SLC25A21: variants seen among roughly 807,000 people sequenced by gnomAD.
SLC25A21 encodes the protein solute carrier family 25 member 21, also known as mitochondrial 2-oxodicarboxylate carrier.
SLC25A21 carries 47 observed loss-of-function variants against 43.8 expected under a neutral mutation model. That is an observed-to-expected ratio of 1.07 (90% CI 0.85 to 1.37). SLC25A21 has a LOEUF of 1.37. SLC25A21 is among the 40% of genes most tolerant of loss of function. SLC25A21 has a pLI of 0.00. For missense variants in SLC25A21, 352 were observed against 350.2 expected, an observed-to-expected ratio of 1.00 and a Z score of -0.04; for synonymous variants, 131 against 121.3, an observed-to-expected ratio of 1.08 and a Z score of -0.52.
At chr14:37,002,749 G>A (rs573908677) in intron 1 of SLC25A21, among the ~76,000 whole-genome samples, 1 of 152,182 alleles carries the variant, frequency 6.6e-6, no homozygotes, top group African/African-American at 2.4e-5. Flanking sequence ...TTATCTTCCT[G>A]TGATCTACAG....
At chr14:37,140,608 A>T (rs1312103489) in intron 1 of SLC25A21, among the ~76,000 whole-genome samples, 4 of 152,352 alleles carry the variant, frequency 2.6e-5, no homozygotes, top group Admixed American at 2.6e-4. Context: ...AATCATTTTG[A>T]TCATCAACAA....
chr14:36,755,680 A>T (rs1471525064), intron 3 of SLC25A21, among the ~76,000 whole-genome samples: 1 of 152,228 alleles, frequency 6.6e-6, no homozygotes, highest in Non-Finnish European at 1.5e-5. Flanking sequence ...ATATATATCA[A>T]ATATATGAAC....
At chr14:37,103,672 A>G (rs1050716684) in intron 1 of SLC25A21, among the ~76,000 whole-genome samples, 2 of 152,034 alleles carry the variant, frequency 1.3e-5, no homozygotes, top group African/African-American at 2.4e-5. Flanking sequence ...TCAAATCTCA[A>G]ACCTTCTTCC....
chr14:36,977,531 T>A (rs1476760061), intron 1 of SLC25A21, among the ~76,000 whole-genome samples: 2 of 152,162 alleles, frequency 1.3e-5, no homozygotes, highest in East Asian at 3.9e-4. Context: ...TGCCATGGCC[T>A]CCTACCAAAC....
At chr14:36,885,869 CTT>C (rs1256334864) in intron 1 of SLC25A21, among the ~76,000 whole-genome samples, 1 of 152,184 alleles carries the variant, frequency 6.6e-6, no homozygotes, top group African/African-American at 2.4e-5. Context: ...AGGCCCAAAT[CTT>C]TGCATTGTAC....
intron 1 of SLC25A21, among the ~76,000 whole-genome samples, chr14:36,899,030 T>C (rs980861216): frequency 6.6e-6 from 1 of 152,206 alleles, no homozygotes; most frequent in Non-Finnish European, 1.5e-5. Context: ...ATTAGTACAA[T>C]TGTACTAATT....
At chr14:36,789,050 G>T (rs1887351496) in intron 3 of SLC25A21, among the ~76,000 whole-genome samples, 1 of 152,048 alleles carries the variant, frequency 6.6e-6, no homozygotes. Flanking sequence ...TGTTGTTTTT[G>T]TATTTTATTT....
chr14:36,937,927 T>C (rs542701120), intron 1 of SLC25A21, among the ~76,000 whole-genome samples: 1 of 152,312 alleles, frequency 6.6e-6, no homozygotes, highest in South Asian at 2.1e-4. Flanking sequence ...AATAAACAAG[T>C]ATAGGTTAAT....
chr14:37,051,199 A>C (rs1961696617), intron 1 of SLC25A21, among the ~76,000 whole-genome samples: 1 of 152,232 alleles, frequency 6.6e-6, no homozygotes. Context: ...AATATTTTTA[A>C]AAGTAAGTTT....
intron 6 of SLC25A21, among the ~76,000 whole-genome samples, chr14:36,714,414 G>A (rs933468376): frequency 6.6e-6 from 1 of 152,208 alleles, no homozygotes; most frequent in East Asian, 1.9e-4. Context: ...TAGAGATCTT[G>A]TTCCAGGTAC....
intron 3 of SLC25A21, among the ~76,000 whole-genome samples, chr14:36,748,167 C>T (rs932076231): frequency 7.2e-5 from 11 of 152,190 alleles, no homozygotes; most frequent in Admixed American, 3.3e-4. Flanking sequence ...GTATGACTTC[C>T]ACGTTCTCAA....
chr14:36,856,449 C>T (rs1291840007), intron 2 of SLC25A21, among the ~76,000 whole-genome samples: 1 of 152,074 alleles, frequency 6.6e-6, no homozygotes, highest in Non-Finnish European at 1.5e-5. Context: ...AATGGTGATT[C>T]TGGAGACTGC....
intron 1 of SLC25A21, among the ~76,000 whole-genome samples, chr14:36,927,598 T>A (rs576783812): frequency 6.6e-6 from 1 of 152,286 alleles, no homozygotes; most frequent in South Asian, 2.1e-4. Flanking sequence ...GGTGACCATG[T>A]CTCCATTTTA....
At chr14:37,113,933 C>G (rs1252975369) in intron 1 of SLC25A21, among the ~76,000 whole-genome samples, 1 of 151,130 alleles carries the variant, frequency 6.6e-6, no homozygotes, top group African/African-American at 2.4e-5. Context: ...ATATTTGCTA[C>G]TAAAATATTG....
At chr14:36,725,514 A>C in intron 6 of SLC25A21, 56 bp downstream of exon 6, 2 of 618,798 alleles carry the variant, frequency 3.2e-6, no homozygotes, top group South Asian at 4.3e-5. Flanking sequence ...TAAATAAATA[A>C]ATAAATAAAT....
intron 7 of SLC25A21, among the ~76,000 whole-genome samples, chr14:36,694,063 G>A (rs1013572522): frequency 2.0e-5 from 3 of 147,740 alleles, no homozygotes; most frequent in Non-Finnish European, 4.5e-5. Context: ...CCCTCCCCCA[G>A]CCCCCCAACC....
At chr14:37,045,161 T>C (rs936664835) in intron 1 of SLC25A21, among the ~76,000 whole-genome samples, 1 of 152,168 alleles carries the variant, frequency 6.6e-6, no homozygotes. Flanking sequence ...TTCTAAAATA[T>C]ATCAGTATTT....
intron 3 of SLC25A21, among the ~76,000 whole-genome samples, chr14:36,779,278 T>G (rs1284708290): frequency 6.9e-6 from 1 of 145,294 alleles, no homozygotes; most frequent in Non-Finnish European, 1.5e-5. Context: ...TATATAAGAA[T>G]TCTTATATAT....
intron 3 of SLC25A21, among the ~76,000 whole-genome samples, chr14:36,765,959 T>G (rs1006205640): frequency 6.6e-6 from 1 of 152,126 alleles, no homozygotes; most frequent in East Asian, 1.9e-4. Flanking sequence ...AGCTAATTTT[T>G]CCACCCATCT....
Sources: gnomAD v4.1 joint callset for allele counts (sites outside exome capture counted in the v4.1 genomes callset) on GRCh38, gnomAD v4.1.1 for gene constraint, MANE v1.5 for transcripts, NCBI Gene and HGNC (gene_info 2026-07-23, HGNC 2026-07-21) for gene names.